PSTPIP2: variants seen among roughly 807,000 people sequenced by gnomAD.
PSTPIP2 encodes the protein proline-serine-threonine phosphatase-interacting protein 2.
PSTPIP2 carries 33 observed loss-of-function variants against 63.3 expected under a neutral mutation model. That is an observed-to-expected ratio of 0.52 (90% confidence interval 0.40 to 0.70). The LOEUF (loss-of-function observed/expected upper bound fraction) is 0.70. PSTPIP2 is among the 30% of genes least tolerant of loss of function. PSTPIP2 has a pLI of 0.00. For missense variants in PSTPIP2, 312 were observed against 400.7 expected, an observed-to-expected ratio of 0.78 and a Z score of 1.89; for synonymous variants, 125 against 132.7, an observed-to-expected ratio of 0.94 and a Z score of 0.40.
At chr18:46,027,297 AAAAT>A (rs67989237) in intron 2 of PSTPIP2, among the ~76,000 whole-genome samples, 18,986 of 141,580 alleles carry the variant, frequency 0.13, 1,366 homozygotes, top group Non-Finnish European at 0.15. Flanking sequence ...CTCCATCTCA[AAAAT>A]AAATAAATAA....
intron 1 of PSTPIP2, among the ~76,000 whole-genome samples, chr18:46,059,625 T>C (rs1395278022): frequency 6.6e-6 from 1 of 152,222 alleles, no homozygotes; most frequent in African/African-American, 2.4e-5. Context: ...AAGAAAATAA[T>C]ATTTTTCAAA....
At chr18:46,057,439 T>G (rs977181065) in intron 1 of PSTPIP2, among the ~76,000 whole-genome samples, 6 of 151,820 alleles carry the variant, frequency 4.0e-5, no homozygotes, top group Non-Finnish European at 8.8e-5. Flanking sequence ...GCGATTCTTC[T>G]GCCTCAGCCT....
rs1449318393 is a variant in PSTPIP2 at position 46,039,399 on chromosome 18, C to T, written c.134+548G>A. 2.0e-5 allele frequency among the ~76,000 whole-genome samples: 3 copies of T among 152,090 alleles called. No homozygotes were observed. In the East Asian group the frequency reaches 5.8e-4, roughly 29 times the overall value. Reference sequence around the variant, plus strand: ...CCTCATCCTCCTGGTCTCTGAGCTGCACTCTGCCTCCCTCTAACCACGTGG... The same window carrying T: ...CCTCATCCTCCTGGTCTCTGAGCTGTACTCTGCCTCCCTCTAACCACGTGG... On this transcript the variant is annotated intron_variant, in intron 2 of 14. Coordinates refer to ENST00000409746, the MANE Select transcript of PSTPIP2 (RefSeq NM_024430.4).
chr18:46,010,483 G>A lies in PSTPIP2; in HGVS notation c.354+698C>T, dbSNP rs546610828. Among the ~76,000 whole-genome samples, 20 of 152,304 alleles carry A rather than the reference G, an allele frequency of 1.3e-4. No individual in the cohort carries two copies. The South Asian group carries it at 3.9e-3, about 30-fold the overall frequency. ...CTCTAAGGACCCTACATGGCTGCAG[G>A]ATCAGCCTGAATATCCAGTCTTTCA... On this transcript the variant is annotated intron_variant, in intron 5 of 14. Coordinates refer to ENST00000409746, the MANE Select transcript of PSTPIP2 (RefSeq NM_024430.4).
intron 1 of PSTPIP2, among the ~76,000 whole-genome samples, chr18:46,065,511 G>A (rs1025611152): frequency 2.0e-5 from 3 of 152,088 alleles, no homozygotes; most frequent in Admixed American, 2.0e-4. Context: ...CTGTTGCCCA[G>A]GCTGGAGTAT....
At chr18:46,008,829 C>T (rs1233211348) in intron 5 of PSTPIP2, among the ~76,000 whole-genome samples, 1 of 152,116 alleles carries the variant, frequency 6.6e-6, no homozygotes, top group East Asian at 1.9e-4. Flanking sequence ...TCATGACCCT[C>T]AAGTGTCAAT....
chr18:46,024,158 G>C (rs1245651867), intron 3 of PSTPIP2, among the ~76,000 whole-genome samples: 2 of 151,650 alleles, frequency 1.3e-5, no homozygotes, highest in African/African-American at 4.9e-5. Flanking sequence ...AATTTTTTGA[G>C]ACAGAGTCTT....
chr18:46,029,425 T>A (rs1389341763), intron 2 of PSTPIP2: 2 of 1,438,066 alleles, frequency 1.4e-6, no homozygotes, highest in Non-Finnish European at 2.0e-6. Context: ...GAGAAGTTTA[T>A]GTTTGGGATG....
At chr18:45,997,701 A>ACGGGGGGGGGGGGCCCC in intron 9 of PSTPIP2, 48 bp downstream of exon 9, 1 of 332,626 alleles carries the variant, frequency 3.0e-6, no homozygotes, top group Non-Finnish European at 5.7e-6. Context: ...TGTTACACAC[A>ACGGGGGGGGGGGGCCCC]CCCCCACCCA....
chr18:46,038,808 C>T (rs2144110026), intron 2 of PSTPIP2, among the ~76,000 whole-genome samples: 1 of 152,328 alleles, frequency 6.6e-6, no homozygotes, highest in South Asian at 2.1e-4. Context: ...GGCCTCACCA[C>T]CCAAGGGCTG....
intron 9 of PSTPIP2, among the ~76,000 whole-genome samples, chr18:45,995,471 C>A (rs951773032): frequency 6.6e-6 from 1 of 152,094 alleles, no homozygotes; most frequent in Non-Finnish European, 1.5e-5. Context: ...TGTTTTTAAA[C>A]CTTATTAAAA....
At chr18:46,059,187 C>T (rs989583799) in intron 1 of PSTPIP2, among the ~76,000 whole-genome samples, 19 of 151,938 alleles carry the variant, frequency 1.3e-4, no homozygotes, top group African/African-American at 4.1e-4. Context: ...CAGGCACGCA[C>T]GACCATGCCC....
At chr18:45,991,500 CAT>C (rs1288758246) in intron 12 of PSTPIP2, among the ~76,000 whole-genome samples, 1 of 152,182 alleles carries the variant, frequency 6.6e-6, no homozygotes, top group African/African-American at 2.4e-5. Context: ...ATAATTCTCA[CAT>C]GTCACAAAAC....
At chr18:45,991,835 A>T (rs2051536969) in intron 12 of PSTPIP2, 67 bp downstream of exon 12, 6 of 1,414,424 alleles carry the variant, frequency 4.2e-6, no homozygotes, top group Non-Finnish European at 5.9e-6. Flanking sequence ...AACATGTCTT[A>T]GAACATTCAT....
chr18:46,051,488 T>A (rs1367573896), intron 1 of PSTPIP2, among the ~76,000 whole-genome samples: 2 of 152,008 alleles, frequency 1.3e-5, no homozygotes, highest in Middle Eastern at 3.4e-3. Context: ...AAAAAAAAAA[T>A]TGAACATAAA....
intron 13 of PSTPIP2, among the ~76,000 whole-genome samples, chr18:45,990,205 T>A (rs1029896160): frequency 6.6e-6 from 1 of 152,194 alleles, no homozygotes; most frequent in African/African-American, 2.4e-5. Context: ...TTTCTTTTGG[T>A]ATTTCAGTAA....
intron 2 of PSTPIP2, among the ~76,000 whole-genome samples, chr18:46,038,436 G>C (rs573204194): frequency 6.6e-6 from 1 of 152,274 alleles, no homozygotes; most frequent in Non-Finnish European, 1.5e-5. Context: ...TCCTTCCTCT[G>C]CAGATGTATT....
chr18:46,010,989 G>A (rs564008231), intron 5 of PSTPIP2, 192 bp downstream of exon 5: 60 of 536,778 alleles, frequency 1.1e-4, no homozygotes, highest in African/African-American at 7.5e-4. Context: ...CTTTAAAAAA[G>A]GACAACTGGC....
chr18:46,022,428 C>A (rs1419588016), intron 3 of PSTPIP2, among the ~76,000 whole-genome samples: 1 of 152,044 alleles, frequency 6.6e-6, no homozygotes, highest in Non-Finnish European at 1.5e-5. Context: ...ACAGCCAGAG[C>A]AGGATACAGG....
Sources: allele counts gnomAD v4.1 joint callset (sites outside exome capture counted in the v4.1 genomes callset), GRCh38; gene constraint gnomAD v4.1.1; transcripts MANE v1.5; gene names NCBI Gene and HGNC (gene_info 2026-07-23, HGNC 2026-07-21).